The following TPRG1 variants were observed in gnomAD, a reference collection of about 807,000 sequenced individuals.
TPRG1 encodes tumor protein p63 regulated 1, also known as tumor protein p63-regulated gene 1 protein.
In TPRG1, 29 loss-of-function variants were observed where a neutral mutation model predicts 29.3. The observed-to-expected ratio is 0.99, with a 90% CI of 0.74 to 1.35. The LOEUF (loss-of-function observed/expected upper bound fraction) is 1.35. Ranked by LOEUF, TPRG1 falls within the 40% of genes most tolerant of loss-of-function variation. The pLI is 0.00. For synonymous variants in TPRG1, 130 were observed against 116.8 expected (o/e 1.11, Z -0.73); for missense variants, 327 against 335.0 (o/e 0.98, Z 0.19).
chr3:189,059,751 G>A (rs1190589331), intron 4 of TPRG1, among the ~76,000 whole-genome samples: 1 of 152,014 alleles, frequency 6.6e-6, no homozygotes, highest in Non-Finnish European at 1.5e-5. Context: ...TATATAGCTG[G>A]GATTCAAACC....
At chr3:189,059,296 A>G (rs1454927115) in intron 4 of TPRG1, among the ~76,000 whole-genome samples, 3 of 152,202 alleles carry the variant, frequency 2.0e-5, no homozygotes, top group Non-Finnish European at 2.9e-5. Flanking sequence ...AAATCTTAGA[A>G]AAAGTCTGTG....
intron 3 of TPRG1, among the ~76,000 whole-genome samples, chr3:189,013,572 C>A (rs1348959156): frequency 6.6e-6 from 1 of 152,034 alleles, no homozygotes. Flanking sequence ...TCCTGAAAAT[C>A]CCTGTTATTT....
chr3:189,254,565 A>G (rs994687425), intron 4 of TPRG1, among the ~76,000 whole-genome samples: 3 of 152,234 alleles, frequency 2.0e-5, no homozygotes, highest in African/African-American at 7.2e-5. Flanking sequence ...AAGAAAGTCA[A>G]TGGTAGCTTG....
chr3:189,110,958 C>A (rs1406626200), intron 1 of TPRG1, among the ~76,000 whole-genome samples: 2 of 151,568 alleles, frequency 1.3e-5, no homozygotes, highest in Non-Finnish European at 2.9e-5. Flanking sequence ...TTAATACCAA[C>A]TGGTTTGACT....
intron 2 of TPRG1, chr3:189,132,249 A>G (rs1723186788): frequency 6.6e-6 from 1 of 152,164 alleles, no homozygotes; most frequent in South Asian, 2.1e-4. Flanking sequence ...AGGAGCCTGG[A>G]CTGGCAGGCC....
intron 4 of TPRG1, among the ~76,000 whole-genome samples, chr3:189,083,884 A>T (rs1717764389): frequency 1.3e-5 from 2 of 152,188 alleles, no homozygotes; most frequent in African/African-American, 4.8e-5. Flanking sequence ...TAGGGTTATT[A>T]AAAACAAAAT....
At chr3:189,207,659 T>C in intron 2 of TPRG1, 65 bp downstream of exon 2, 2 of 1,471,756 alleles carry the variant, frequency 1.4e-6, no homozygotes, top group African/African-American at 1.4e-5. Flanking sequence ...AAAATCCTTC[T>C]GTGTATCACA....
At chr3:189,303,374 C>G (rs1266760110) in intron 4 of TPRG1, among the ~76,000 whole-genome samples, 3 of 152,182 alleles carry the variant, frequency 2.0e-5, no homozygotes, top group Admixed American at 6.5e-5. Flanking sequence ...ATCCTCTGCT[C>G]TGATGGGTCA....
chr3:189,076,966 C>T lies in TPRG1; in HGVS notation c.-462-50091C>T, dbSNP rs533376049. ...TAGCCAATAAGCACATGAGAAAGTG[C>T]TTATTGAAAATAAAAACCACAATAA... On this transcript the variant is annotated intron_variant, in intron 4 of 10. Coordinates refer to the TPRG1 transcript ENST00000433971. Among the ~76,000 whole-genome samples, 9 of 149,854 alleles carry T rather than the reference C, an allele frequency of 6.0e-5. No individual in the cohort carries two copies. The South Asian group carries it at 1.7e-3, about 28-fold the overall frequency.
At chr3:189,258,728 T>G (rs1033159997) in intron 4 of TPRG1, among the ~76,000 whole-genome samples, 5 of 152,176 alleles carry the variant, frequency 3.3e-5, no homozygotes, top group African/African-American at 9.7e-5. Context: ...AGAGAGGCAG[T>G]CTGGCTACAG....
chr3:189,168,861 T>G (rs1216511802), upstream of TPRG1, among the ~76,000 whole-genome samples: 2 of 152,172 alleles, frequency 1.3e-5, no homozygotes, highest in Non-Finnish European at 2.9e-5. Context: ...ATCTGCATGA[T>G]CCACTATGAG....
intron 4 of TPRG1, among the ~76,000 whole-genome samples, chr3:189,294,555 C>G (rs1719559521): frequency 6.6e-6 from 1 of 152,158 alleles, no homozygotes; most frequent in Non-Finnish European, 1.5e-5. Context: ...TCCCCAGCTC[C>G]ACTGTGTCCC....
chr3:189,297,673 T>C (rs532547021), intron 4 of TPRG1, among the ~76,000 whole-genome samples: 81 of 152,306 alleles, frequency 5.3e-4, no homozygotes, highest in Middle Eastern at 3.4e-3. Flanking sequence ...ACGCTCTGAG[T>C]GTCTGAAAAC....
chr3:189,145,997 C>A (rs528761699), intron 3 of TPRG1, among the ~76,000 whole-genome samples: 1 of 152,020 alleles, frequency 6.6e-6, no homozygotes, highest in Non-Finnish European at 1.5e-5. Flanking sequence ...TCTTTATTTG[C>A]ATTTTTCTAA....
chr3:189,105,617 C>T (rs919239326), intron 1 of TPRG1, among the ~76,000 whole-genome samples: 1 of 152,046 alleles, frequency 6.6e-6, no homozygotes. Context: ...TCCCCAACAA[C>T]CTTGGGAACT....
At chr3:189,015,165 T>G (rs1191585256) in intron 3 of TPRG1, among the ~76,000 whole-genome samples, 2 of 152,158 alleles carry the variant, frequency 1.3e-5, no homozygotes, top group Non-Finnish European at 2.9e-5. Context: ...GGAGTAAATG[T>G]TATTCTTGCT....
intron 4 of TPRG1, among the ~76,000 whole-genome samples, chr3:189,074,367 G>A (rs1416749898): frequency 6.6e-6 from 1 of 151,638 alleles, no homozygotes; most frequent in Non-Finnish European, 1.5e-5. Flanking sequence ...CACTACGCCC[G>A]GCTAATTTTT....
At chr3:189,282,751 CA>C (rs1717382439) in intron 4 of TPRG1, among the ~76,000 whole-genome samples, 1 of 152,178 alleles carries the variant, frequency 6.6e-6, no homozygotes, top group Non-Finnish European at 1.5e-5. Context: ...CATAAAACCA[CA>C]ATCCACTAAG....
chr3:189,197,557 A>G (rs1390353806), intron 1 of TPRG1, among the ~76,000 whole-genome samples: 1 of 152,186 alleles, frequency 6.6e-6, no homozygotes, highest in Non-Finnish European at 1.5e-5. Flanking sequence ...GAGATAAGTC[A>G]CTCAATTCAA....
Sources: allele counts gnomAD v4.1 joint callset (sites outside exome capture counted in the v4.1 genomes callset), GRCh38; gene constraint gnomAD v4.1.1; transcripts MANE v1.5; gene names NCBI Gene and HGNC (gene_info 2026-07-23, HGNC 2026-07-21).